The following ALG11 variants were observed in gnomAD, a reference collection of about 807,000 sequenced individuals.
ALG11 encodes the protein GDP-Man:Man(3)GlcNAc(2)-PP-Dol alpha-1,2-mannosyltransferase.
In ALG11, 26 loss-of-function variants were observed where a neutral mutation model predicts 38.8. That is an observed-to-expected ratio of 0.67 (90% CI 0.49 to 0.93). ALG11 has a LOEUF of 0.93. Among genes scored for constraint, ALG11 ranks in the 40% least tolerant of loss-of-function variants. The pLI, the probability that ALG11 is intolerant of heterozygous loss-of-function variation, is 0.00. For missense variants in ALG11, 535 were observed against 578.8 expected (o/e 0.92, Z 0.78); for synonymous variants, 199 against 211.6 (o/e 0.94, Z 0.52).
chr13:52,033,111 GTTCA>G lies in ALG11; in HGVS notation c.*4524_*4527del, dbSNP rs2140856730. 6.0e-6 allele frequency: 1 copy of G among 167,052 alleles called. No individual in the cohort carries two copies. Among genetic ancestry groups the G allele is most frequent in the African/African-American group, 2.4e-5 (1 of 41,540 alleles). The allele number at this position is 167,052 out of a possible 1,614,324, so 10.3% of individuals were successfully genotyped here. ...ATTGGAAGATATAATTTGCATATATGTTCATTATCAGTGTTCCTAATTTGGTATT... is the reference window on the plus strand; with the variant it reads ...ATTGGAAGATATAATTTGCATATATGTTATCAGTGTTCCTAATTTGGTATT... On this transcript the variant is annotated 3_prime_UTR_variant, in exon 4 of 4. Coordinates refer to ENST00000521508, the MANE Select transcript of ALG11 (RefSeq NM_001004127.3).
Position 52,029,049 on chromosome 13 carries a change from A to G in ALG11, c.*459A>G, listed in dbSNP as rs770484989. 3 of 1,614,260 alleles carry G rather than the reference A, an allele frequency of 1.9e-6. No individual in the cohort carries two copies. Among genetic ancestry groups the G allele is most frequent in the Admixed American group, 1.7e-5 (1 of 60,034 alleles). ...AGTGTCAGTTCTGAAGGATCAGGAG[A>G]AAAGCTGGGCCTTGCAGATCTGCTT... On this transcript the variant is annotated 3_prime_UTR_variant, in exon 4 of 4. Coordinates refer to ENST00000521508, the MANE Select transcript of ALG11 (RefSeq NM_001004127.3).
rs1022293087 is a variant in ALG11, at chr13:52,033,484, T to C, written c.*4894T>C. ...TCATTCTCTTGGATTCTTTCCAGTG[T>C]GGTGCCTTTTATATGCCTCACATAG... On this transcript the variant is annotated 3_prime_UTR_variant, in exon 4 of 4. Transcript: ENST00000521508. 3.0e-5 allele frequency: 5 copies of C among 167,102 alleles called. No individual in the cohort carries two copies. Among genetic ancestry groups the C allele is most frequent in the Non-Finnish European group, 5.9e-5 (4 of 68,116 alleles). The allele number at this position is 167,102 out of a possible 1,614,324, so 10.4% of individuals were successfully genotyped here.
In ALG11 at chr13:52,028,317, A is replaced by G; in HGVS notation, c.1208-2A>G. ...TTACATGATTTGTGTTTTTTTTCTC[A>G]GGAGTTGTGGAGTGTATGGCAGCTG... On this transcript the variant is annotated splice_acceptor_variant, in intron 3 of 3. Transcript: ENST00000521508. LOFTEE classifies it high-confidence loss of function. The G allele has an allele frequency of 6.2e-7, 1 of 1,613,866 alleles. No homozygotes were observed. The highest frequency in any genetic ancestry group is 8.5e-7 in the Non-Finnish European group (1 of 1,179,956).
chr13:52,020,406 G>C (rs1376913984), intron 2 of ALG11, among the ~76,000 whole-genome samples: 3 of 152,082 alleles, frequency 2.0e-5, no homozygotes, highest in Non-Finnish European at 4.4e-5. Context: ...CCTTCACACA[G>C]AATTACCTCA....
Position 52,031,930 on chromosome 13 carries a change from C to T in ALG11, c.*3340C>T, listed in dbSNP as rs1343530928. On this transcript the variant is annotated 3_prime_UTR_variant, in exon 4 of 4. Transcript: ENST00000521508. ...GTAGATGAAACTACTTTGAAAATTA[C>T]GACAGTTAAGGGCTGGGTGCGGTGT... The T allele has an allele frequency of 1.2e-5, 2 of 166,876 alleles. No individual in the cohort carries two copies. Among genetic ancestry groups the T allele is most frequent in the Non-Finnish European group, 1.5e-5 (1 of 68,112 alleles). 10.3% of individuals were successfully genotyped at this position (166,876 alleles called of 1,614,324 possible).
At chr13:52,018,399 G>A (rs1173613007) in intron 1 of ALG11, among the ~76,000 whole-genome samples, 1 of 152,198 alleles carries the variant, frequency 6.6e-6, no homozygotes, top group Non-Finnish European at 1.5e-5. Flanking sequence ...GGAAATAGAA[G>A]TGGAGAAATC....
intron 1 of ALG11, among the ~76,000 whole-genome samples, chr13:52,014,470 A>C (rs187363089): frequency 1.2e-4 from 18 of 152,252 alleles, no homozygotes; most frequent in Non-Finnish European, 2.2e-4. Context: ...CTGGTTCTCA[A>C]CCAGGGGTGA....
At position 52,028,666 on chromosome 13, in the gene ALG11, C is replaced by A. The variant is rs1484857134; in HGVS notation, c.*76C>A. The stretch of plus-strand genomic sequence containing the variant: ...TCATATGTAAATATTTTTCTAAATT[C>A]AATCTCATTTGTCAAATCATTTTAC... On this transcript the variant is annotated 3_prime_UTR_variant, in exon 4 of 4. Transcript: ENST00000521508. 3 of 1,557,742 alleles carry A rather than the reference C, an allele frequency of 1.9e-6. No homozygotes were observed. The highest frequency in any genetic ancestry group is 1.8e-5 in the Admixed American group (1 of 56,894).
rs746199287 is a variant in ALG11 at position 52,030,033 on chromosome 13, G to A, written c.*1443G>A. 1.9e-6 allele frequency: 3 copies of A among 1,614,078 alleles called. No homozygotes were observed. The highest frequency in any genetic ancestry group is 2.2e-5 in the South Asian group (2 of 91,084). ...GTTTCTGCAAGTGAGGCAGAAGAAA[G>A]ACCAGTGGCAGAGGAAGAAATTTTG... On this transcript the variant is annotated 3_prime_UTR_variant, in exon 4 of 4. Coordinates refer to ENST00000521508, the MANE Select transcript of ALG11 (RefSeq NM_001004127.3).
chr13:52,027,097 G>GCAGT (rs1341537316), intron 3 of ALG11, among the ~76,000 whole-genome samples: 2 of 152,170 alleles, frequency 1.3e-5, no homozygotes, highest in African/African-American at 4.8e-5. Context: ...GGAAGGTAAG[G>GCAGT]CAGTCACTGG....
chr13:52,028,213 G>C (rs1954260228), intron 3 of ALG11, 106 bp from the exon 4 acceptor site: 1 of 1,324,118 alleles, frequency 7.6e-7, no homozygotes, highest in Non-Finnish European at 1.1e-6. Context: ...ATTTAATTAA[G>C]TTTCTCATAA....
At position 52,024,284 on chromosome 13, in the gene ALG11, T is replaced by G. The variant is rs1219805002; in HGVS notation, c.554T>G (p.Phe185Cys). The G allele has an allele frequency of 6.2e-7, 1 of 1,614,138 alleles. No individual in the cohort carries two copies. Among genetic ancestry groups the G allele is most frequent in the Non-Finnish European group, 8.5e-7 (1 of 1,180,018 alleles). The change falls in exon 3 of 4, where the codon TTT (phenylalanine) becomes TGT (cysteine). Residue 185 changes from phenylalanine (F) to cysteine (C), a missense_variant. By Grantham distance (205) the Phe-to-Cys change is radical. Transcript: ENST00000521508. ...GGATACGCTTTTACGCTTCCTCTGT[T>G]TAAGTATATAGGGGGTTGCCAAGTT... ...SMGYAFTLPLFKYIGGCQVGS... is the reference protein window; with the variant it reads ...SMGYAFTLPLCKYIGGCQVGS...
chr13:52,028,201 A>G (rs183587983), intron 3 of ALG11, 118 bp from the exon 4 acceptor site: 2 of 1,181,198 alleles, frequency 1.7e-6, no homozygotes, highest in East Asian at 2.4e-5. Context: ...GTCTAGACAT[A>G]CATTTAATTA....
chr13:52,030,352 A>G lies in ALG11; in HGVS notation c.*1762A>G, dbSNP rs1306851103. The G allele has an allele frequency of 1.2e-6, 2 of 1,614,186 alleles. No individual in the cohort carries two copies. Among genetic ancestry groups the G allele is most frequent in the South Asian group, 1.1e-5 (1 of 91,078 alleles). ...CTCTGGAAGAGCTAGAAGAGCTGGG[A>G]AAAGAAGATTGTTTTCAAAATAAGG... On this transcript the variant is annotated 3_prime_UTR_variant, in exon 4 of 4. Coordinates refer to ENST00000521508, the MANE Select transcript of ALG11 (RefSeq NM_001004127.3).
intron 2 of ALG11, chr13:52,022,699 T>TA (rs1954194812): frequency 2.0e-5 from 1 of 50,958 alleles, no homozygotes; most frequent in South Asian, 5.5e-4. Flanking sequence ...AATAAATTTG[T>TA]TTTTTTTTTT....
Position 52,030,312 on chromosome 13 carries a change from C to A in ALG11, c.*1722C>A. ...GCGGAACCCCTATTGCTACAGAGGT[C>A]AGAGAGAGTACAAACTCTGGAAGAG... On this transcript the variant is annotated 3_prime_UTR_variant, in exon 4 of 4. Coordinates refer to ENST00000521508, the MANE Select transcript of ALG11 (RefSeq NM_001004127.3). 6.2e-7 allele frequency: 1 copy of A among 1,614,110 alleles called. No individual in the cohort carries two copies. The highest frequency in any genetic ancestry group is 8.5e-7 in the Non-Finnish European group (1 of 1,180,030).
At chr13:52,013,668 G>C (rs1471564206) in intron 1 of ALG11, among the ~76,000 whole-genome samples, 2 of 152,220 alleles carry the variant, frequency 1.3e-5, no homozygotes, top group Non-Finnish European at 2.9e-5. Context: ...GCTTTTGAAA[G>C]AGTGTCCTGA....
At position 52,028,856 on chromosome 13, in the gene ALG11, C is replaced by T. The variant is rs777440362; in HGVS notation, c.*266C>T. The stretch of plus-strand genomic sequence containing the variant: ...TCTGGCTTTGAGCCACCAGGAAGAA[C>T]TAGTGGATTTGCCAAAAAACTACCC... On this transcript the variant is annotated 3_prime_UTR_variant, in exon 4 of 4. Coordinates refer to ENST00000521508, the MANE Select transcript of ALG11 (RefSeq NM_001004127.3). 7.4e-6 allele frequency: 12 copies of T among 1,614,174 alleles called. No individual in the cohort carries two copies. The highest frequency in any genetic ancestry group is 1.0e-5 in the Non-Finnish European group (12 of 1,180,040).
chr13:52,028,106 A>G (rs970398350), intron 3 of ALG11, among the ~76,000 whole-genome samples: 2 of 152,150 alleles, frequency 1.3e-5, no homozygotes, highest in African/African-American at 2.4e-5. Context: ...AAAAAAAAAA[A>G]GTGAAGCAGT....
Sources: gnomAD v4.1 joint callset for allele counts (sites outside exome capture counted in the v4.1 genomes callset) on GRCh38, gnomAD v4.1.1 for gene constraint, MANE v1.5 for transcripts, NCBI Gene and HGNC (gene_info 2026-07-23, HGNC 2026-07-21) for gene names.